CDK7: variants seen among roughly 807,000 people sequenced by gnomAD.
CDK7 encodes cyclin dependent kinase 7.
CDK7 carries 25 observed loss-of-function variants against 49.1 expected under a neutral mutation model. The observed-to-expected ratio is 0.51, with a 90% CI of 0.37 to 0.71. CDK7 has a LOEUF of 0.71. Ranked by LOEUF, CDK7 falls within the 30% of genes least tolerant of loss-of-function variation. CDK7 has a pLI of 0.00. For synonymous variants in CDK7, 107 were observed against 140.0 expected, an observed-to-expected ratio of 0.76 and a Z score of 1.67; for missense variants, 316 against 411.7, an observed-to-expected ratio of 0.77 and a Z score of 2.01.
At chr5:69,247,036 A>G (rs183755461) in intron 2 of CDK7, among the ~76,000 whole-genome samples, 7 of 152,328 alleles carry the variant, frequency 4.6e-5, no homozygotes, top group Middle Eastern at 3.4e-3. Flanking sequence ...GTCCTTGAGA[A>G]TCATTCATTT....
At chr5:69,248,491 G>A (rs946823604) in intron 2 of CDK7, among the ~76,000 whole-genome samples, 2 of 151,972 alleles carry the variant, frequency 1.3e-5, no homozygotes, top group South Asian at 2.1e-4. Context: ...GGGTTCAAGC[G>A]ATTCTCCTGC....
At chr5:69,246,724 TAGGCA>T in intron 2 of CDK7, among the ~76,000 whole-genome samples, 1 of 151,792 alleles carries the variant, frequency 6.6e-6, no homozygotes. Flanking sequence ...TTTTTTCATG[TAGGCA>T]GTTACAGCTA....
chr5:69,252,613 A>T (rs997921007), intron 3 of CDK7, among the ~76,000 whole-genome samples, 162 bp downstream of exon 3: 1 of 148,330 alleles, frequency 6.7e-6, no homozygotes, highest in Admixed American at 7.0e-5. Context: ...GTACTCAAGC[A>T]GTTCTCCCAC....
intron 2 of CDK7, among the ~76,000 whole-genome samples, chr5:69,247,989 T>C (rs947961961): frequency 1.3e-5 from 2 of 152,206 alleles, no homozygotes; most frequent in African/African-American, 4.8e-5. Flanking sequence ...ACAATTACAG[T>C]GTTATAATAT....
intron 8 of CDK7, among the ~76,000 whole-genome samples, chr5:69,266,586 GT>G (rs1751174608): frequency 6.6e-6 from 1 of 152,024 alleles, no homozygotes; most frequent in Non-Finnish European, 1.5e-5. Context: ...GAAAAAGGCA[GT>G]TCAAATTCTC....
intron 9 of CDK7, among the ~76,000 whole-genome samples, chr5:69,272,215 T>C (rs892848385): frequency 6.6e-6 from 1 of 152,228 alleles, no homozygotes; most frequent in Non-Finnish European, 1.5e-5. Context: ...TGTGGATTTC[T>C]AAGTCCTTTA....
chr5:69,251,281 A>C (rs1395996753), intron 2 of CDK7, among the ~76,000 whole-genome samples: 1 of 151,740 alleles, frequency 6.6e-6, no homozygotes, highest in African/African-American at 2.4e-5. Flanking sequence ...TATTTTTTTA[A>C]TAGAGACGGG....
chr5:69,254,407 T>A (rs1049714170), intron 3 of CDK7, among the ~76,000 whole-genome samples, 195 bp from the exon 4 acceptor site: 7 of 150,272 alleles, frequency 4.7e-5, no homozygotes, highest in African/African-American at 1.7e-4. Context: ...CTGTAATCCC[T>A]GCTACTCTGG....
chr5:69,269,331 ACT>A, intron 9 of CDK7, 38 bp downstream of exon 9: 1 of 1,440,088 alleles, frequency 6.9e-7, no homozygotes, highest in East Asian at 2.3e-5. Context: ...TGTAATTAGG[ACT>A]CTGTAAAGTT....
At chr5:69,275,891 T>A (rs1214303640) in intron 10 of CDK7, among the ~76,000 whole-genome samples, 1 of 152,196 alleles carries the variant, frequency 6.6e-6, no homozygotes, top group Non-Finnish European at 1.5e-5. Context: ...AATCTTGGCT[T>A]CCATCCCCAA....
chr5:69,254,011 A>G (rs990687461), intron 3 of CDK7, among the ~76,000 whole-genome samples: 10 of 152,092 alleles, frequency 6.6e-5, no homozygotes, highest in Non-Finnish European at 1.2e-4. Context: ...GAGGTGGGAA[A>G]ATTACTTGAG....
chr5:69,276,632 G>C lies in CDK7; in HGVS notation c.954G>C (p.Lys318Asn). The C allele has an allele frequency of 6.2e-7, 1 of 1,614,086 alleles. No individual in the cohort carries two copies. The highest frequency in any genetic ancestry group is 1.1e-5 in the South Asian group (1 of 91,084). Residue 318 changes from lysine (K) to asparagine (N), a missense_variant, in exon 11 of 12, where the codon AAG (lysine) becomes AAC (asparagine). Lys to Asn is a moderately conservative substitution (Grantham distance 94). Coordinates refer to ENST00000256443, the MANE Select transcript of CDK7 (RefSeq NM_001799.4). Reference sequence around the variant, plus strand: ...CAAACTGTCCAGTGGAAACCTTAAAGGAGCAATCAAATCCAGCTTTGGCAA... The same window carrying C: ...CAAACTGTCCAGTGGAAACCTTAAACGAGCAATCAAATCCAGCTTTGGCAA... ...PRPNCPVETL[K>N]EQSNPALAIK...
At chr5:69,242,862 A>G (rs540427769) in intron 2 of CDK7, among the ~76,000 whole-genome samples, 31 of 152,176 alleles carry the variant, frequency 2.0e-4, no homozygotes, top group Non-Finnish European at 3.2e-4. Flanking sequence ...CCTGACCAAC[A>G]TGGGGAAACC....
intron 2 of CDK7, among the ~76,000 whole-genome samples, chr5:69,248,837 T>A (rs1164921959): frequency 2.0e-5 from 3 of 147,960 alleles, no homozygotes; most frequent in African/African-American, 7.5e-5. Flanking sequence ...GAGTCTTGTT[T>A]TTCTTGCCCA....
intron 2 of CDK7, among the ~76,000 whole-genome samples, chr5:69,245,276 T>TCCCTCCTTTTC (rs1379826328): frequency 1.3e-5 from 1 of 76,186 alleles, no homozygotes; most frequent in Non-Finnish European, 2.5e-5. Context: ...TCCCCCGTCC[T>TCCCTCCTTTTC]CCCTCCTTTT....
chr5:69,270,680 GT>G, intron 9 of CDK7, among the ~76,000 whole-genome samples: 1 of 152,216 alleles, frequency 6.6e-6, no homozygotes, highest in South Asian at 2.1e-4. Context: ...CTGTAATTTT[GT>G]CATTTCAAGA....
Position 69,273,045 on chromosome 5 carries a change from T to A in CDK7, c.864+4T>A. On this transcript the variant is annotated splice_donor_region_variant and intron_variant, in intron 10 of 11. Transcript: ENST00000256443. ...TGCTCGAATTACGGCCACACAGGTATTTTGGTGTATCTTTTTTATACTAGG... is the reference window on the plus strand; with the variant it reads ...TGCTCGAATTACGGCCACACAGGTAATTTGGTGTATCTTTTTTATACTAGG... The A allele has an allele frequency of 6.6e-7, 1 of 1,507,400 alleles. No individual in the cohort carries two copies. The highest frequency in any genetic ancestry group is 1.4e-5 in the African/African-American group (1 of 72,356). 93.4% of individuals were successfully genotyped at this position (1,507,400 alleles called of 1,614,324 possible).
At chr5:69,253,197 C>T (rs1241691520) in intron 3 of CDK7, among the ~76,000 whole-genome samples, 1 of 152,166 alleles carries the variant, frequency 6.6e-6, no homozygotes, top group Non-Finnish European at 1.5e-5. Flanking sequence ...TATTAGGATT[C>T]ATCATAAAAT....
Position 69,277,227 on chromosome 5 carries a change from G to A in CDK7, c.*92G>A. The A allele has an allele frequency of 2.3e-6, 2 of 867,068 alleles. No individual in the cohort carries two copies. Among genetic ancestry groups the A allele is most frequent in the East Asian group, 2.6e-5 (1 of 38,070 alleles). The allele number at this position is 867,068 out of a possible 1,614,324, so 53.7% of individuals were successfully genotyped here. A position where few individuals can be genotyped will look rare whatever the true frequency, so the allele number is the denominator to read the frequency against. ...TAAACATTAAGTAAATGCTGTAGAA[G>A]TGAGTTTGTAAATATTCTACACATG... On this transcript the variant is annotated 3_prime_UTR_variant, in exon 12 of 12. Coordinates refer to ENST00000256443, the MANE Select transcript of CDK7 (RefSeq NM_001799.4).
Sources: allele counts gnomAD v4.1 joint callset (sites outside exome capture counted in the v4.1 genomes callset), GRCh38; gene constraint gnomAD v4.1.1; transcripts MANE v1.5; gene names NCBI Gene and HGNC (gene_info 2026-07-23, HGNC 2026-07-21).